MYO3B: variants seen among roughly 807,000 people sequenced by gnomAD.
MYO3B encodes myosin-IIIb.
A neutral mutation model predicts 174.6 loss-of-function variants in MYO3B; 156 were observed. The ratio of observed to expected loss-of-function variants is 0.89; its 90% CI spans 0.78 to 1.02. The LOEUF (loss-of-function observed/expected upper bound fraction) is 1.02. Ranked by LOEUF, MYO3B falls within the 50% of genes least tolerant of loss-of-function variation. The probability of loss-of-function intolerance (pLI) is 0.00; values close to 1 mark genes in which losing one functional copy is unlikely to be tolerated. For missense variants in MYO3B, 1,632 were observed against 1,639.4 expected (o/e 1.00, Z 0.08); for synonymous variants, 563 against 569.1 (o/e 0.99, Z 0.15).
intron 3 of MYO3B, among the ~76,000 whole-genome samples, chr2:170,213,004 A>G (rs1428799459): frequency 3.9e-5 from 6 of 152,226 alleles, no homozygotes; most frequent in Non-Finnish European, 8.8e-5. Flanking sequence ...GTAAACTGCA[A>G]GATGCATATA....
At chr2:170,646,918 A>G (rs1012215944) in intron 32 of MYO3B, 5 of 1,360,186 alleles carry the variant, frequency 3.7e-6, no homozygotes. Context: ...GCCTTTCCAC[A>G]TTACGGATGT....
chr2:170,400,837 CT>C (rs918536055), intron 17 of MYO3B, among the ~76,000 whole-genome samples: 3 of 148,198 alleles, frequency 2.0e-5, no homozygotes, highest in Non-Finnish European at 1.5e-5. Flanking sequence ...GTGTTTTTTT[CT>C]TTTTTTTTTC....
At chr2:170,461,003 GAGGGAGGGTAAT>G (rs1412556593) in intron 23 of MYO3B, among the ~76,000 whole-genome samples, 2 of 152,176 alleles carry the variant, frequency 1.3e-5, no homozygotes, top group African/African-American at 4.8e-5. Context: ...TATAAGTTCT[GAGGGAGGGTAAT>G]AGGTCAATTC....
At chr2:170,469,681 A>G (rs1684852651) in intron 25 of MYO3B, among the ~76,000 whole-genome samples, 4 of 152,170 alleles carry the variant, frequency 2.6e-5, no homozygotes, top group Admixed American at 2.6e-4. Flanking sequence ...ACTACCTGCT[A>G]AAGTTTCTAA....
At chr2:170,246,539 C>T (rs2093191980) in intron 7 of MYO3B, among the ~76,000 whole-genome samples, 1 of 151,360 alleles carries the variant, frequency 6.6e-6, no homozygotes, top group Non-Finnish European at 1.5e-5. Flanking sequence ...GACACACACA[C>T]ACACACACAC....
chr2:170,259,121 A>T (rs919618230), intron 7 of MYO3B, among the ~76,000 whole-genome samples: 12 of 152,212 alleles, frequency 7.9e-5, no homozygotes, highest in African/African-American at 2.9e-4. Flanking sequence ...CAGTGTTGTT[A>T]AAAAGGCCAT....
chr2:170,490,989 T>G (rs1007843081), intron 25 of MYO3B, among the ~76,000 whole-genome samples: 1 of 152,148 alleles, frequency 6.6e-6, no homozygotes, highest in African/African-American at 2.4e-5. Flanking sequence ...GCTTACCAAT[T>G]TTATTAACTT....
At chr2:170,204,562 C>T (rs1278965710) in intron 3 of MYO3B, among the ~76,000 whole-genome samples, 1 of 152,168 alleles carries the variant, frequency 6.6e-6, no homozygotes, top group Non-Finnish European at 1.5e-5. Flanking sequence ...GTGATTGAAT[C>T]AATATTCAAT....
chr2:170,333,046 A>C (rs2093923048), intron 7 of MYO3B, among the ~76,000 whole-genome samples: 1 of 152,148 alleles, frequency 6.6e-6, no homozygotes, highest in Non-Finnish European at 1.5e-5. Context: ...GGGTGAATGA[A>C]GTCTATTAGA....
intron 8 of MYO3B, among the ~76,000 whole-genome samples, chr2:170,354,987 G>A (rs1489141613): frequency 6.6e-6 from 1 of 152,132 alleles, no homozygotes; most frequent in Non-Finnish European, 1.5e-5. Flanking sequence ...TTCATTTCTT[G>A]TCTAAAATCA....
At chr2:170,183,251 T>A (rs1316585600) in intron 1 of MYO3B, among the ~76,000 whole-genome samples, 1 of 150,456 alleles carries the variant, frequency 6.6e-6, no homozygotes, top group Non-Finnish European at 1.5e-5. Context: ...AGCAAGACTC[T>A]GTCTCAAAAA....
chr2:170,262,655 G>A (rs990899873), intron 7 of MYO3B, among the ~76,000 whole-genome samples: 2 of 152,192 alleles, frequency 1.3e-5, no homozygotes, highest in African/African-American at 2.4e-5. Context: ...CCTTGTCCAC[G>A]TTTGGGTAGA....
chr2:170,362,621 T>C (rs1047293160), intron 8 of MYO3B, among the ~76,000 whole-genome samples: 1 of 152,212 alleles, frequency 6.6e-6, no homozygotes, highest in African/African-American at 2.4e-5. Context: ...TTGATAACCA[T>C]AGACCTGCCT....
chr2:170,589,336 C>T (rs917247707), intron 32 of MYO3B, among the ~76,000 whole-genome samples: 2 of 152,144 alleles, frequency 1.3e-5, no homozygotes, highest in African/African-American at 4.8e-5. Context: ...AAAAGAGTGA[C>T]ACCACCTCCT....
intron 22 of MYO3B, among the ~76,000 whole-genome samples, chr2:170,416,221 A>G (rs1304827865): frequency 1.1e-4 from 16 of 152,150 alleles, no homozygotes; most frequent in Admixed American, 1.0e-3. Flanking sequence ...CCCAACAGCC[A>G]TCTTAAAAGA....
At chr2:170,423,998 G>A (rs909030985) in intron 22 of MYO3B, among the ~76,000 whole-genome samples, 2 of 152,176 alleles carry the variant, frequency 1.3e-5, no homozygotes, top group African/African-American at 4.8e-5. Flanking sequence ...AATTTGTGTG[G>A]TGTTAAGAGG....
chr2:170,415,783 C>T (rs2094575095), intron 22 of MYO3B, among the ~76,000 whole-genome samples: 1 of 152,186 alleles, frequency 6.6e-6, no homozygotes, highest in African/African-American at 2.4e-5. Flanking sequence ...GCATCCCTTC[C>T]TCTCTTACCT....
rs577204844 is a variant in MYO3B at position 170,549,826 on chromosome 2, C to G, written c.3733+5838C>G. Among the ~76,000 whole-genome samples, 199 of 152,164 alleles carry G rather than the reference C, an allele frequency of 1.3e-3. 2 individuals are homozygous for G. Among genetic ancestry groups the G allele is most frequent in the Non-Finnish European group, 2.4e-3 (164 of 68,038 alleles). ...GGCAAGACTATGCCTCAGATCCATG[C>G]AACAGAATCACTTCACACTGGCCGC... On this transcript the variant is annotated intron_variant, in intron 32 of 34. Coordinates refer to ENST00000408978, the MANE Select transcript of MYO3B (RefSeq NM_138995.5).
chr2:170,520,444 T>C (rs1016641920), intron 30 of MYO3B, among the ~76,000 whole-genome samples: 3 of 149,372 alleles, frequency 2.0e-5, no homozygotes, highest in Non-Finnish European at 3.0e-5. Context: ...TGTATATATA[T>C]ACACATATAT....
Sources: allele counts gnomAD v4.1 joint callset (sites outside exome capture counted in the v4.1 genomes callset), GRCh38; gene constraint gnomAD v4.1.1; transcripts MANE v1.5; gene names NCBI Gene and HGNC (gene_info 2026-07-23, HGNC 2026-07-21).